SMIM23: variants seen among roughly 807,000 people sequenced by gnomAD.
SMIM23 encodes CTB-78H18.1.
In SMIM23, 10 loss-of-function variants were observed where a neutral mutation model predicts 12.8. That is an observed-to-expected ratio of 0.78 (90% confidence interval 0.48 to 1.32). The LOEUF is 1.32. SMIM23 is among the 40% of genes most tolerant of loss of function. SMIM23 has a pLI of 0.00. For synonymous variants in SMIM23, 78 were observed against 80.1 expected (o/e 0.97, Z 0.14); for missense variants, 184 against 198.2 (o/e 0.93, Z 0.43).
intron 1 of SMIM23, among the ~76,000 whole-genome samples, chr5:171,786,315 G>A (rs535796148): frequency 2.4e-4 from 37 of 152,250 alleles, no homozygotes; most frequent in Admixed American, 9.8e-4. Flanking sequence ...GAATTGGAGC[G>A]CTCCTGGAGG....
intron 1 of SMIM23, among the ~76,000 whole-genome samples, chr5:171,786,980 A>G (rs1308524190): frequency 2.8e-5 from 3 of 107,012 alleles, no homozygotes; most frequent in African/African-American, 1.0e-4. Flanking sequence ...TCCCACCTTG[A>G]TTCTACCAGA....
Position 171,785,995 on chromosome 5 carries a change from C to T in SMIM23, c.105+19C>T, listed in dbSNP as rs758561339. ...GAAGCAGGTGAGGCCAGGCCAGGTA[C>T]ATGCTGCTTTCCTCCCATCTGGGCT... On this transcript the variant is annotated intron_variant, in intron 1 of 3. Transcript: ENST00000523047. 1 of 1,527,034 alleles carries T rather than the reference C, an allele frequency of 6.5e-7. No individual in the cohort carries two copies. The highest frequency in any genetic ancestry group is 1.2e-5 in the South Asian group (1 of 83,898). 94.6% of individuals were successfully genotyped at this position (1,527,034 alleles called of 1,614,324 possible). A position where few individuals can be genotyped will look rare whatever the true frequency, so the allele number is the denominator to read the frequency against.
upstream of SMIM23, among the ~76,000 whole-genome samples, chr5:171,778,359 A>G (rs1755672869): frequency 6.6e-6 from 1 of 151,506 alleles, no homozygotes; most frequent in African/African-American, 2.4e-5. Flanking sequence ...TCCATCTCAA[A>G]AAAAAAAAAA....
intron 1 of SMIM23, among the ~76,000 whole-genome samples, chr5:171,788,515 A>G (rs1337332450): frequency 6.6e-6 from 1 of 152,150 alleles, no homozygotes; most frequent in Admixed American, 6.5e-5. Flanking sequence ...TTTAAAAAGA[A>G]TAAAAGAGGA....
At chr5:171,785,367 T>G (rs1755794658), upstream of SMIM23, among the ~76,000 whole-genome samples, 1 of 151,850 alleles carries the variant, frequency 6.6e-6, no homozygotes, top group Non-Finnish European at 1.5e-5. Flanking sequence ...CACAATTATC[T>G]CCATACATTT....
upstream of SMIM23, among the ~76,000 whole-genome samples, chr5:171,785,329 T>G (rs548912369): frequency 6.6e-6 from 1 of 152,316 alleles, no homozygotes; most frequent in East Asian, 1.9e-4. Flanking sequence ...GATCTCTCTG[T>G]ATTGTTTCTT....
intron 3 of SMIM23, 55 bp downstream of exon 3, chr5:171,790,604 G>A: frequency 1.3e-6 from 2 of 1,491,872 alleles, no homozygotes; most frequent in Non-Finnish European, 1.8e-6. Context: ...CTTTCCAGAG[G>A]AGGTGTCATT....
At chr5:171,790,167 C>T in intron 1 of SMIM23, 63 bp from the exon 2 acceptor site, 3 of 1,479,360 alleles carry the variant, frequency 2.0e-6, no homozygotes, top group Non-Finnish European at 2.7e-6. Context: ...GTGATGGAAG[C>T]AGGGGGACCT....
upstream of SMIM23, among the ~76,000 whole-genome samples, chr5:171,778,994 G>A (rs879412346): frequency 2.0e-5 from 3 of 152,202 alleles, no homozygotes; most frequent in Non-Finnish European, 4.4e-5. Flanking sequence ...GTTAGCCATA[G>A]GGGCTTCTGT....
chr5:171,787,720 A>T (rs1755843772), intron 1 of SMIM23, among the ~76,000 whole-genome samples: 1 of 152,256 alleles, frequency 6.6e-6, no homozygotes, highest in South Asian at 2.1e-4. Context: ...AGATCAAACT[A>T]TGGAACATTT....
At chr5:171,783,798 A>G (rs1755764689), upstream of SMIM23, among the ~76,000 whole-genome samples, 1 of 152,256 alleles carries the variant, frequency 6.6e-6, no homozygotes, top group Non-Finnish European at 1.5e-5. Flanking sequence ...TTTGCAAACC[A>G]TATATCCTAA....
At chr5:171,789,346 A>G (rs1415438105) in intron 1 of SMIM23, among the ~76,000 whole-genome samples, 2 of 152,266 alleles carry the variant, frequency 1.3e-5, no homozygotes, top group Non-Finnish European at 2.9e-5. Context: ...CTCAGTGGGT[A>G]AAGAAAAGTC....
upstream of SMIM23, among the ~76,000 whole-genome samples, chr5:171,778,123 G>A (rs1755669522): frequency 1.3e-5 from 2 of 152,204 alleles, no homozygotes; most frequent in Admixed American, 1.3e-4. Context: ...ACTTCGGGAG[G>A]CCGAGGCGGG....
upstream of SMIM23, among the ~76,000 whole-genome samples, chr5:171,784,794 T>C (rs1561590075): frequency 6.6e-6 from 1 of 152,162 alleles, no homozygotes; most frequent in African/African-American, 2.4e-5. Flanking sequence ...TTGAACAGGT[T>C]TGGAACGTGT....
chr5:171,776,016 C>T, the SMIM23 span, among the ~76,000 whole-genome samples: 3 of 152,192 alleles, frequency 2.0e-5, no homozygotes, highest in Non-Finnish European at 4.4e-5. Flanking sequence ...GGATTATAGG[C>T]ATGAGCCACC....
chr5:171,783,657 T>G (rs1755762882), upstream of SMIM23, among the ~76,000 whole-genome samples: 1 of 152,242 alleles, frequency 6.6e-6, no homozygotes, highest in Non-Finnish European at 1.5e-5. Flanking sequence ...TGAAGAGTTC[T>G]TAGACTTGCC....
At chr5:171,784,810 A>G (rs555076819), upstream of SMIM23, among the ~76,000 whole-genome samples, 6 of 152,336 alleles carry the variant, frequency 3.9e-5, no homozygotes, top group East Asian at 9.7e-4. Context: ...CGTGTCCTTC[A>G]TTATGGCATA....
chr5:171,783,285 G>T (rs769269927), upstream of SMIM23, among the ~76,000 whole-genome samples: 2 of 152,178 alleles, frequency 1.3e-5, no homozygotes, highest in Admixed American at 6.5e-5. Flanking sequence ...ATCCCAGCTG[G>T]CAAAGTATTT....
upstream of SMIM23, among the ~76,000 whole-genome samples, chr5:171,783,285 G>A (rs769269927): frequency 6.6e-6 from 1 of 152,178 alleles, no homozygotes; most frequent in Non-Finnish European, 1.5e-5. Flanking sequence ...ATCCCAGCTG[G>A]CAAAGTATTT....
Sources: allele counts gnomAD v4.1 joint callset (sites outside exome capture counted in the v4.1 genomes callset), GRCh38; gene constraint gnomAD v4.1.1; transcripts MANE v1.5; gene names NCBI Gene and HGNC (gene_info 2026-07-23, HGNC 2026-07-21).